Variants in WDPCP observed in about 807,000 individuals in gnomAD.
The protein encoded by WDPCP is WD repeat containing planar cell polarity effector.
WDPCP carries 71 observed loss-of-function variants against 93.1 expected under a neutral mutation model. That is an observed-to-expected ratio of 0.76 (90% confidence interval 0.63 to 0.93). WDPCP has a LOEUF of 0.93. WDPCP is among the 40% of genes least tolerant of loss of function. WDPCP has a pLI of 0.00. For missense variants in WDPCP, 844 were observed against 887.4 expected, an observed-to-expected ratio of 0.95 and a Z score of 0.62; for synonymous variants, 315 against 315.0, an observed-to-expected ratio of 1.00 and a Z score of 0.00.
At chr2:63,409,277 G>T (rs1258350113) in intron 9 of WDPCP, among the ~76,000 whole-genome samples, 1 of 152,166 alleles carries the variant, frequency 6.6e-6, no homozygotes, top group Non-Finnish European at 1.5e-5. Flanking sequence ...CTTCCTGGGT[G>T]GCTAGACCCA....
chr2:63,375,312 T>A (rs1315369394), intron 12 of WDPCP, among the ~76,000 whole-genome samples: 2 of 152,038 alleles, frequency 1.3e-5, no homozygotes, highest in Non-Finnish European at 2.9e-5. Context: ...CTAATTACCT[T>A]TTAAACTTAG....
At chr2:63,162,681 A>T (rs1263497895) in intron 15 of WDPCP, among the ~76,000 whole-genome samples, 1 of 152,180 alleles carries the variant, frequency 6.6e-6, no homozygotes. Flanking sequence ...GTCTCAGATA[A>T]TGAATATTTG....
chr2:63,779,649 G>A lies in WDPCP; in HGVS notation n.308+33973C>T, dbSNP rs550989004. Reference sequence around the variant, plus strand: ...TCGATCTCTAGGTGCGTATATCCTTGGGGCAGAGAAGAGGGCTTGATGTTG... The same window carrying A: ...TCGATCTCTAGGTGCGTATATCCTTAGGGCAGAGAAGAGGGCTTGATGTTG... On this transcript the variant is annotated intron_variant and non_coding_transcript_variant, in intron 2 of 4. Coordinates refer to the WDPCP transcript ENST00000467687. Among the ~76,000 whole-genome samples the A allele has an allele frequency of 2.6e-5, 4 of 152,252 alleles. No homozygotes were observed. In the South Asian group the frequency reaches 8.3e-4, roughly 32 times the overall value.
At chr2:63,628,222 A>C (rs894163938) in intron 3 of WDPCP, among the ~76,000 whole-genome samples, 1 of 152,218 alleles carries the variant, frequency 6.6e-6, no homozygotes, top group Admixed American at 6.5e-5. Flanking sequence ...TGCTCTACAA[A>C]ATAGGATAAT....
intron 3 of WDPCP, among the ~76,000 whole-genome samples, chr2:63,628,033 A>G (rs1709827751): frequency 6.6e-6 from 1 of 152,188 alleles, no homozygotes; most frequent in African/African-American, 2.4e-5. Context: ...GGGTATCCCC[A>G]GACTGGATCC....
intron 14 of WDPCP, among the ~76,000 whole-genome samples, chr2:63,224,275 T>C (rs1050816510): frequency 5.3e-5 from 8 of 152,052 alleles, no homozygotes; most frequent in African/African-American, 1.9e-4. Flanking sequence ...ACAAGGATTC[T>C]TATTCATCAA....
At chr2:63,313,572 A>G (rs1517401) in intron 12 of WDPCP, among the ~76,000 whole-genome samples, 119,057 of 151,948 alleles carry the variant, frequency 0.78, 47,220 homozygotes, top group East Asian at 0.96. Flanking sequence ...ACTGCTGACT[A>G]TGATAGCTTA....
At chr2:63,696,114 G>A (rs1668957286) in intron 2 of WDPCP, among the ~76,000 whole-genome samples, 1 of 152,160 alleles carries the variant, frequency 6.6e-6, no homozygotes, top group Non-Finnish European at 1.5e-5. Flanking sequence ...GGACCTAAGA[G>A]ATAATAAAGG....
At chr2:63,415,402 G>A (rs767169138) in intron 9 of WDPCP, among the ~76,000 whole-genome samples, 7 of 152,046 alleles carry the variant, frequency 4.6e-5, no homozygotes, top group African/African-American at 9.7e-5. Context: ...ATAAGTTTCC[G>A]TAAAGAGTAA....
intron 13 of WDPCP, among the ~76,000 whole-genome samples, chr2:63,278,967 T>A (rs1489128071): frequency 6.6e-6 from 1 of 151,940 alleles, no homozygotes; most frequent in Non-Finnish European, 1.5e-5. Flanking sequence ...AACAGACCAA[T>A]AACAAGCAGT....
exon 3 of WDPCP, chr2:63,650,708 G>A (rs1445526301): frequency 3.3e-5 from 5 of 152,106 alleles, no homozygotes; most frequent in Admixed American, 2.6e-4. Flanking sequence ...GGTCCTTCTT[G>A]GTAACCATAG....
chr2:63,673,578 G>A (rs879108657), intron 2 of WDPCP, among the ~76,000 whole-genome samples: 1 of 152,048 alleles, frequency 6.6e-6, no homozygotes, highest in African/African-American at 2.4e-5. Context: ...GAGGCTATTG[G>A]TCAGCTACAC....
chr2:63,839,379 G>A, the WDPCP span, among the ~76,000 whole-genome samples: 1 of 152,048 alleles, frequency 6.6e-6, no homozygotes, highest in Non-Finnish European at 1.5e-5. Context: ...CCAACATGGC[G>A]AAACCCCGCC....
At chr2:63,207,683 T>C (rs1282992061) in intron 14 of WDPCP, among the ~76,000 whole-genome samples, 6 of 152,188 alleles carry the variant, frequency 3.9e-5, no homozygotes, top group African/African-American at 1.4e-4. Flanking sequence ...GCTCAGAGGA[T>C]TTCATTAGAA....
At chr2:63,530,920 G>A (rs1254366378) in intron 1 of WDPCP, among the ~76,000 whole-genome samples, 2 of 152,226 alleles carry the variant, frequency 1.3e-5, no homozygotes, top group African/African-American at 2.4e-5. Context: ...CAAGGGGTTG[G>A]GGAATTCCCT....
chr2:63,481,149 C>A (rs1700246143), intron 6 of WDPCP, among the ~76,000 whole-genome samples: 1 of 152,032 alleles, frequency 6.6e-6, no homozygotes, highest in Non-Finnish European at 1.5e-5. Context: ...CGCTCAATAT[C>A]ACTAATGATC....
At position 63,819,735 on chromosome 2, in the gene WDPCP, TAAAAG is replaced by T. The variant is rs529005225; in HGVS notation, n.223-6033_223-6029del. ...GTTGGTAAACTGGGTCCCCTTCACT[TAAAAG>T]AGAGAGGAAGGAGCTTCTTTGCTCT... On this transcript the variant is annotated intron_variant and non_coding_transcript_variant, in intron 1 of 4. Transcript: ENST00000467687. Among the ~76,000 whole-genome samples the T allele has an allele frequency of 1.5e-4, 23 of 152,222 alleles. No individual in the cohort carries two copies. In the East Asian group the frequency reaches 3.1e-3, roughly 20 times the overall value.
intron 14 of WDPCP, among the ~76,000 whole-genome samples, chr2:63,255,352 T>C (rs955944429): frequency 6.6e-6 from 1 of 152,026 alleles, no homozygotes; most frequent in Non-Finnish European, 1.5e-5. Flanking sequence ...TTTGCTGATA[T>C]GGTTTGGATG....
chr2:63,587,019 G>A (rs1032578556), intron 1 of WDPCP, among the ~76,000 whole-genome samples: 3 of 152,108 alleles, frequency 2.0e-5, no homozygotes, highest in African/African-American at 7.2e-5. Context: ...ATATTTTTAA[G>A]GACAACAACA....
Sources: gnomAD v4.1 joint callset for allele counts (sites outside exome capture counted in the v4.1 genomes callset) on GRCh38, gnomAD v4.1.1 for gene constraint, MANE v1.5 for transcripts, NCBI Gene and HGNC (gene_info 2026-07-23, HGNC 2026-07-21) for gene names.